The following TEX22 variants were observed in gnomAD, a reference collection of about 807,000 sequenced individuals.
The protein encoded by TEX22 is testis-expressed protein 22.
In TEX22, 16 loss-of-function variants were observed where a neutral mutation model predicts 11.3. The ratio of observed to expected loss-of-function variants is 1.42; its 90% confidence interval spans 0.96 to 2.15. TEX22 has a LOEUF of 2.15. TEX22 is among the 30% of genes most tolerant of loss of function. TEX22 has a pLI of 0.00. For synonymous variants in TEX22, 97 were observed against 92.3 expected (o/e 1.05, Z -0.29); for missense variants, 220 against 208.6 (o/e 1.05, Z -0.34).
rs1275643369 is a variant in TEX22 at position 105,411,979 on chromosome 14, G to T, written c.*146G>T. 1.2e-6 allele frequency: 1 copy of T among 810,200 alleles called. No homozygotes were observed. Among genetic ancestry groups the T allele is most frequent in the Non-Finnish European group, 1.8e-6 (1 of 557,206 alleles). The allele number at this position is 810,200 out of a possible 1,614,324, so 50.2% of individuals were successfully genotyped here. A position where few individuals can be genotyped will look rare whatever the true frequency, so the allele number is the denominator to read the frequency against. ...ACAGGCCAGGCAGGACCTGGCTCCG[G>T]ACAGCCTGCAGCTGCTGAGGCCTTG... On this transcript the variant is annotated 3_prime_UTR_variant, in exon 4 of 4. Coordinates refer to ENST00000451127, the MANE Select transcript of TEX22 (RefSeq NM_001195082.2).
At chr14:105,402,584 C>G (rs1384187246) in intron 2 of TEX22, among the ~76,000 whole-genome samples, 2 of 151,426 alleles carry the variant, frequency 1.3e-5, no homozygotes, top group African/African-American at 2.4e-5. Flanking sequence ...GAAACCCCGT[C>G]TCTACTAAAA....
intron 2 of TEX22, among the ~76,000 whole-genome samples, chr14:105,404,312 A>T (rs4983611): frequency 0.99 from 150,364 of 152,246 alleles, 74,274 homozygotes; most frequent in East Asian, 1. Flanking sequence ...AGAGTGAGTG[A>T]GTGGAGAGAG....
intron 2 of TEX22, among the ~76,000 whole-genome samples, chr14:105,408,245 C>T (rs1181630631): frequency 6.6e-6 from 1 of 151,070 alleles, no homozygotes; most frequent in Non-Finnish European, 1.5e-5. Flanking sequence ...TTTCTTTCTT[C>T]CTTTTTTTTT....
At chr14:105,401,883 C>T (rs2081628801) in intron 2 of TEX22, among the ~76,000 whole-genome samples, 1 of 152,096 alleles carries the variant, frequency 6.6e-6, no homozygotes, top group South Asian at 2.1e-4. Flanking sequence ...ATGCATGGTA[C>T]CACTATGACG....
At chr14:105,403,044 G>A (rs947341721) in intron 2 of TEX22, among the ~76,000 whole-genome samples, 1 of 152,142 alleles carries the variant, frequency 6.6e-6, no homozygotes, top group African/African-American at 2.4e-5. Context: ...GCAGTGAGAA[G>A]AGATCATTTA....
chr14:105,411,596 C>T, intron 3 of TEX22, 64 bp from the exon 4 acceptor site: 14 of 1,471,602 alleles, frequency 9.5e-6, no homozygotes, highest in African/African-American at 1.5e-5. Flanking sequence ...TACCCCGGCG[C>T]TCCCGGGCCC....
At chr14:105,410,927 T>C (rs974135530) in intron 2 of TEX22, among the ~76,000 whole-genome samples, 6 of 152,214 alleles carry the variant, frequency 3.9e-5, no homozygotes, top group African/African-American at 1.4e-4. Context: ...CTTTTGTCTA[T>C]GGATTCATGA....
At chr14:105,399,547 C>G (rs1024224948) in intron 2 of TEX22, 57 bp downstream of exon 2, 18 of 1,467,722 alleles carry the variant, frequency 1.2e-5, no homozygotes, top group Non-Finnish European at 1.6e-5. Flanking sequence ...CCGCCTGAGG[C>G]CGCTGTCTCT....
chr14:105,401,250 A>G (rs782304634), intron 2 of TEX22, among the ~76,000 whole-genome samples: 182 of 152,230 alleles, frequency 1.2e-3, no homozygotes, highest in Non-Finnish European at 1.0e-3. Flanking sequence ...TAAATAAAAG[A>G]AGATTGTAAC....
chr14:105,401,087 A>T (rs4983406), intron 2 of TEX22, among the ~76,000 whole-genome samples: 152,217 of 152,362 alleles, frequency 1, 76,036 homozygotes, highest in Non-Finnish European at 1. Context: ...CCTGAAATGC[A>T]GAATTTCATA....
chr14:105,411,343 G>C, intron 2 of TEX22, 25 bp from the exon 3 acceptor site: 1 of 1,283,412 alleles, frequency 7.8e-7, no homozygotes, highest in Non-Finnish European at 9.8e-7. Context: ...CGAGGCCCTC[G>C]CCGACCCGCT....
rs1240795717 is a variant in TEX22, at chr14:105,413,765, G to A, written c.*1932G>A. ...AGGCCTCTCCAACAGAGGTGGTGCC[G>A]GGACAGGGGCAGTGCCTGGAGACCG... is the stretch of plus-strand genomic sequence containing the variant. On this transcript the variant is annotated 3_prime_UTR_variant, in exon 4 of 4. Transcript: ENST00000451127. This position sits in a 1 kb window ranked among gnomAD's most constrained non-coding sequence, Gnocchi z 4.2. 1.3e-5 allele frequency: 2 copies of A among 152,286 alleles called. No homozygotes were observed. The highest frequency in any genetic ancestry group is 4.8e-5 in the African/African-American group (2 of 41,462). The allele number at this position is 152,286 out of a possible 1,614,324, so 9.4% of individuals were successfully genotyped here.
chr14:105,402,539 G>T (rs1334610434), intron 2 of TEX22, among the ~76,000 whole-genome samples: 1 of 151,960 alleles, frequency 6.6e-6, no homozygotes. Flanking sequence ...CAGATCACAA[G>T]GTCTGGAGAT....
intron 2 of TEX22, among the ~76,000 whole-genome samples, chr14:105,401,147 A>G (rs1336515090): frequency 1.3e-5 from 2 of 152,226 alleles, no homozygotes; most frequent in East Asian, 1.9e-4. Context: ...GAGCAGGCAC[A>G]TGTCTCTTCA....
At chr14:105,403,969 T>C (rs1006728425) in intron 2 of TEX22, among the ~76,000 whole-genome samples, 23 of 152,234 alleles carry the variant, frequency 1.5e-4, no homozygotes, top group Non-Finnish European at 2.8e-4. Flanking sequence ...CCTTTGGCAA[T>C]GTATTGGTTA....
At chr14:105,411,220 G>T (rs2081687994) in intron 2 of TEX22, 148 bp from the exon 3 acceptor site, 3 of 969,656 alleles carry the variant, frequency 3.1e-6, no homozygotes, top group Non-Finnish European at 3.9e-6. Context: ...CCCGCGCCGG[G>T]AGCTGGCGCT....
At chr14:105,410,966 G>A (rs1245282997) in intron 2 of TEX22, among the ~76,000 whole-genome samples, 1 of 152,210 alleles carries the variant, frequency 6.6e-6, no homozygotes, top group East Asian at 1.9e-4. Context: ...CTCTCTTTAT[G>A]ATCATTTCAG....
chr14:105,399,550 C>G, intron 2 of TEX22, 60 bp downstream of exon 2: 1 of 1,465,448 alleles, frequency 6.8e-7, no homozygotes. Flanking sequence ...CCTGAGGCCG[C>G]TGTCTCTGAA....
Position 105,400,209 on chromosome 14 carries a change from G to A in TEX22, c.150+719G>A, listed in dbSNP as rs1374031001. Among the ~76,000 whole-genome samples the A allele has an allele frequency of 3.9e-5, 6 of 152,174 alleles. 1 individual carries two copies. The highest frequency in any genetic ancestry group is 3.9e-4 in the Admixed American group (6 of 15,276). ...CTTTGGCAGCTGGCGCTGGTCATGC[G>A]GCCAGTTCAGTGTGGGGAGCTCATT... On this transcript the variant is annotated intron_variant, in intron 2 of 3. Transcript: ENST00000451127.
Sources: gnomAD v4.1 joint callset for allele counts (sites outside exome capture counted in the v4.1 genomes callset) on GRCh38, gnomAD v4.1.1 for gene constraint, Gnocchi (gnomAD v3.1) non-coding constraint, MANE v1.5 for transcripts, NCBI Gene and HGNC (gene_info 2026-07-23, HGNC 2026-07-21) for gene names.